Variants in SPON1 observed in about 807,000 individuals in gnomAD.
SPON1 encodes spondin 1.
Under a neutral mutation model 111.7 loss-of-function variants are expected in SPON1, and 52 were observed. That is an observed-to-expected ratio of 0.47 (90% CI 0.37 to 0.59). The LOEUF (loss-of-function observed/expected upper bound fraction) is 0.59, where lower values mean the gene tolerates loss of function less well. Ranked by LOEUF, SPON1 falls within the 20% of genes least tolerant of loss-of-function variation. The pLI is 0.00. For missense variants in SPON1, 957 were observed against 1,068.5 expected, an observed-to-expected ratio of 0.90 and a Z score of 1.46; for synonymous variants, 410 against 395.8, an observed-to-expected ratio of 1.04 and a Z score of -0.43.
chr11:14,231,935 A>ACC (rs367718919), intron 6 of SPON1, among the ~76,000 whole-genome samples: 80,359 of 151,290 alleles, frequency 0.53, 21,552 homozygotes, highest in East Asian at 0.64. Flanking sequence ...TGGTGGGATT[A>ACC]TAGGGTCATT....
intron 6 of SPON1, among the ~76,000 whole-genome samples, chr11:14,163,611 ATTTG>A (rs2133877309): frequency 6.6e-6 from 1 of 151,944 alleles, no homozygotes; most frequent in East Asian, 1.9e-4. Context: ...CTCTGAGGAT[ATTTG>A]TTTGAGCTCC....
chr11:14,239,948 G>A (rs1028976770), intron 6 of SPON1, among the ~76,000 whole-genome samples: 2 of 152,212 alleles, frequency 1.3e-5, no homozygotes, highest in Non-Finnish European at 2.9e-5. Context: ...GGGCAATTTG[G>A]TAGGGCAGAC....
At chr11:14,026,689 A>C (rs1341884915) in intron 2 of SPON1, among the ~76,000 whole-genome samples, 1 of 152,242 alleles carries the variant, frequency 6.6e-6, no homozygotes, top group Non-Finnish European at 1.5e-5. Context: ...AGGGAGGTTG[A>C]GAAAGAAAAA....
intron 6 of SPON1, among the ~76,000 whole-genome samples, chr11:14,147,698 T>C (rs1309612438): frequency 4.0e-5 from 6 of 151,556 alleles, no homozygotes; most frequent in Admixed American, 2.6e-4. Flanking sequence ...ATTATAGGCA[T>C]GAGCCACCAC....
chr11:14,114,252 A>G (rs1199958833), intron 5 of SPON1, among the ~76,000 whole-genome samples: 1 of 152,086 alleles, frequency 6.6e-6, no homozygotes, highest in Non-Finnish European at 1.5e-5. Flanking sequence ...CTCTATGTCT[A>G]TGAGTTCAAG....
At chr11:14,057,845 A>AAAAAAAAAAAAAAAC (rs1564895408) in intron 3 of SPON1, among the ~76,000 whole-genome samples, 2 of 104,276 alleles carry the variant, frequency 1.9e-5, no homozygotes, top group Non-Finnish European at 4.7e-5. Context: ...AAAAAAAAAC[A>AAAAAAAAAAAAAAAC]AAACAAAAAC....
intron 5 of SPON1, among the ~76,000 whole-genome samples, chr11:14,126,372 T>C (rs554154990): frequency 6.6e-6 from 1 of 152,282 alleles, no homozygotes; most frequent in South Asian, 2.1e-4. Flanking sequence ...TTAAGCATCA[T>C]TGTGAATGCT....
At chr11:14,166,411 T>G (rs1564921406) in intron 6 of SPON1, among the ~76,000 whole-genome samples, 1 of 152,196 alleles carries the variant, frequency 6.6e-6, no homozygotes, top group East Asian at 1.9e-4. Flanking sequence ...CTAAAGAAAT[T>G]AGTCCTCTTG....
chr11:14,193,439 T>C (rs1848368504), intron 6 of SPON1, among the ~76,000 whole-genome samples: 1 of 152,188 alleles, frequency 6.6e-6, no homozygotes, highest in African/African-American at 2.4e-5. Context: ...GTGGTAAACG[T>C]ATGCACACAT....
chr11:13,974,893 G>C (rs1848090421), intron 1 of SPON1, among the ~76,000 whole-genome samples: 1 of 152,102 alleles, frequency 6.6e-6, no homozygotes, highest in South Asian at 2.1e-4. Context: ...CTTCCTCCCA[G>C]AATGCAACTT....
chr11:14,091,285 GGCTGCAGGTGGA>G (rs1274474992), intron 5 of SPON1, among the ~76,000 whole-genome samples: 1 of 152,218 alleles, frequency 6.6e-6, no homozygotes, highest in Non-Finnish European at 1.5e-5. Context: ...CCCGCACCGG[GGCTGCAGGTGGA>G]GCTGCCTGCC....
intron 6 of SPON1, among the ~76,000 whole-genome samples, chr11:14,139,099 T>C (rs1554928489): frequency 6.6e-6 from 1 of 152,164 alleles, no homozygotes; most frequent in African/African-American, 2.4e-5. Flanking sequence ...CCAAATTCCT[T>C]ATCAAAGCCT....
intron 6 of SPON1, among the ~76,000 whole-genome samples, chr11:14,181,261 T>A (rs1360373493): frequency 6.6e-6 from 1 of 152,124 alleles, no homozygotes; most frequent in Non-Finnish European, 1.5e-5. Context: ...TACAAAGAGA[T>A]GAAATATATG....
At chr11:14,043,309 CT>C (rs1554917502) in intron 3 of SPON1, among the ~76,000 whole-genome samples, 1 of 152,172 alleles carries the variant, frequency 6.6e-6, no homozygotes, top group Non-Finnish European at 1.5e-5. Flanking sequence ...GGCAGGCTAA[CT>C]ACAAGTGGAG....
chr11:14,143,616 G>A (rs1241954019), intron 6 of SPON1, among the ~76,000 whole-genome samples: 1 of 151,984 alleles, frequency 6.6e-6, no homozygotes, highest in African/African-American at 2.4e-5. Flanking sequence ...TTATATTTCA[G>A]GGCAGCAGTG....
At chr11:14,080,353 T>C (rs988975760) in intron 5 of SPON1, among the ~76,000 whole-genome samples, 1 of 151,932 alleles carries the variant, frequency 6.6e-6, no homozygotes. Flanking sequence ...CTCAGCCTCC[T>C]GAGTAGCTGG....
At chr11:13,969,983 C>T (rs1591335768) in intron 1 of SPON1, among the ~76,000 whole-genome samples, 1 of 152,232 alleles carries the variant, frequency 6.6e-6, no homozygotes, top group Non-Finnish European at 1.5e-5. Flanking sequence ...CACTCAGGCA[C>T]ATGCATGCAT....
intron 6 of SPON1, among the ~76,000 whole-genome samples, chr11:14,164,562 T>A (rs1329248022): frequency 6.6e-6 from 1 of 152,030 alleles, no homozygotes. Context: ...ATATTTGAGG[T>A]TTCTCAGTTA....
At position 14,262,864 on chromosome 11, in the gene SPON1, A is replaced by G. The variant is rs1554942061; in HGVS notation, c.2149A>G (p.Ile717Val). ...GACTGTGCAGCGAAAAAAGTGCCGCATCCGAAAATGCCTTCGAAATCCATC... is the reference window on the plus strand; with the variant it reads ...GACTGTGCAGCGAAAAAAGTGCCGCGTCCGAAAATGCCTTCGAAATCCATC... ...PETVQRKKCR[I>V]RKCLRNPSIQ... The change falls in exon 15 of 16, where the codon ATC (isoleucine) becomes GTC (valine). Residue 717 changes from isoleucine to valine, a missense_variant. Transcript: ENST00000576479. The G allele has an allele frequency of 1.2e-6, 2 of 1,613,910 alleles. No homozygotes were observed. Among genetic ancestry groups the G allele is most frequent in the Admixed American group, 1.7e-5 (1 of 60,022 alleles).
Sources: allele counts gnomAD v4.1 joint callset (sites outside exome capture counted in the v4.1 genomes callset), GRCh38; gene constraint gnomAD v4.1.1; transcripts MANE v1.5; gene names NCBI Gene and HGNC (gene_info 2026-07-23, HGNC 2026-07-21).